Variants in KIAA0513 observed in about 807,000 individuals in gnomAD.
KIAA0513 encodes the protein KIAA0513, also known as uncharacterized protein KIAA0513.
A neutral mutation model predicts 56.5 loss-of-function variants in KIAA0513; 39 were observed. The observed-to-expected ratio is 0.69, with a 90% CI of 0.53 to 0.90. The LOEUF (loss-of-function observed/expected upper bound fraction) is 0.90, where lower values mean the gene tolerates loss of function less well. Among genes scored for constraint, KIAA0513 ranks in the 40% least tolerant of loss-of-function variants. The pLI, the probability that KIAA0513 is intolerant of heterozygous loss-of-function variation, is 0.00. For synonymous variants in KIAA0513, 268 were observed against 215.6 expected, an observed-to-expected ratio of 1.24 and a Z score of -2.13; for missense variants, 591 against 535.2, an observed-to-expected ratio of 1.10 and a Z score of -1.03.
intron 5 of KIAA0513, among the ~76,000 whole-genome samples, chr16:85,077,033 C>G (rs775378311): frequency 9.2e-5 from 14 of 152,136 alleles, no homozygotes; most frequent in Non-Finnish European, 1.8e-4. Context: ...GGCCCCCCCC[C>G]AACCCGGTGT....
At chr16:85,082,643 G>C (rs373604439) in intron 10 of KIAA0513, 50 bp downstream of exon 10, 1 of 1,582,742 alleles carries the variant, frequency 6.3e-7, no homozygotes, top group East Asian at 2.2e-5. Flanking sequence ...GGGCTCCTGC[G>C]AAGGCCACTG....
chr16:85,058,521 G>A (rs184992357), intron 1 of KIAA0513, among the ~76,000 whole-genome samples: 30 of 152,000 alleles, frequency 2.0e-4, no homozygotes, highest in Non-Finnish European at 2.9e-4. Context: ...GTGGGGTGGC[G>A]CATGCCTGTA....
intron 1 of KIAA0513, among the ~76,000 whole-genome samples, chr16:85,042,425 C>T (rs2073115754): frequency 6.6e-6 from 1 of 152,152 alleles, no homozygotes; most frequent in Non-Finnish European, 1.5e-5. Context: ...CCCAGATGAG[C>T]AAATAGGGGG....
At chr16:85,085,327 TG>T (rs2073796052) in intron 10 of KIAA0513, among the ~76,000 whole-genome samples, 1 of 152,246 alleles carries the variant, frequency 6.6e-6, no homozygotes, top group Non-Finnish European at 1.5e-5. Context: ...CTGTGACCCC[TG>T]CTAAGCTGCA....
intron 2 of KIAA0513, among the ~76,000 whole-genome samples, chr16:85,069,472 G>A (rs1270628472): frequency 6.6e-6 from 1 of 152,096 alleles, no homozygotes; most frequent in African/African-American, 2.4e-5. Flanking sequence ...TTGACAATTG[G>A]AGCAGCAGGA....
intron 10 of KIAA0513, among the ~76,000 whole-genome samples, chr16:85,085,061 G>A (rs1461866011): frequency 1.3e-5 from 2 of 152,238 alleles, no homozygotes; most frequent in South Asian, 2.1e-4. Flanking sequence ...CAAGGGAGAC[G>A]TTCCCGTGTG....
chr16:85,040,681 G>A (rs1263237014), intron 1 of KIAA0513, among the ~76,000 whole-genome samples: 1 of 152,126 alleles, frequency 6.6e-6, no homozygotes, highest in Non-Finnish European at 1.5e-5. Context: ...CTCTGTTCAG[G>A]TTAAACCCTC....
At chr16:85,038,761 A>G (rs2073068671) in intron 1 of KIAA0513, among the ~76,000 whole-genome samples, 1 of 151,696 alleles carries the variant, frequency 6.6e-6, no homozygotes, top group African/African-American at 2.4e-5. Context: ...ATTCTATTTA[A>G]CTCAATGTAT....
rs2073691039 is a variant in KIAA0513 at position 85,078,400 on chromosome 16, C to T, written c.783-15C>T. ...GTGAGTCGCGTGTGTCATCATTGTG[C>T]CTTCTCTCCCTCAGGGAAGACGAGA... On this transcript the variant is annotated splice_polypyrimidine_tract_variant and intron_variant, in intron 6 of 12. Coordinates refer to ENST00000683363, the MANE Select transcript of KIAA0513 (RefSeq NM_001388359.1). 1 of 1,613,906 alleles carries T rather than the reference C, an allele frequency of 6.2e-7. No individual in the cohort carries two copies. The highest frequency in any genetic ancestry group is 8.5e-7 in the Non-Finnish European group (1 of 1,179,926).
chr16:85,088,417 T>A lies in KIAA0513; in HGVS notation c.*92T>A. ...CCGTCACCCCACCCGATGACCTGCATGAAGCCAGCAGCACCCAGAGCCACT... is the reference window on the plus strand; with the variant it reads ...CCGTCACCCCACCCGATGACCTGCAAGAAGCCAGCAGCACCCAGAGCCACT... On this transcript the variant is annotated 3_prime_UTR_variant, in exon 13 of 13. Coordinates refer to ENST00000683363, the MANE Select transcript of KIAA0513 (RefSeq NM_001388359.1). 3 of 1,127,292 alleles carry A rather than the reference T, an allele frequency of 2.7e-6. No homozygotes were observed. The highest frequency in any genetic ancestry group is 2.5e-5 in the South Asian group (2 of 79,708). The allele number at this position is 1,127,292 out of a possible 1,614,324, so 69.8% of individuals were successfully genotyped here.
In KIAA0513 at chr16:85,091,813, A is replaced by G. The variant is rs1407742631; in HGVS notation, c.*3488A>G. On this transcript the variant is annotated 3_prime_UTR_variant, in exon 13 of 13. Coordinates refer to ENST00000683363, the MANE Select transcript of KIAA0513 (RefSeq NM_001388359.1). The stretch of plus-strand genomic sequence containing the variant: ...GCACTTGGTATTCCAGACCCCTGAC[A>G]TGAGGAATGCAGGTTCACACTGTAA... The G allele has an allele frequency of 6.6e-6, 1 of 152,182 alleles. No individual in the cohort carries two copies. Among genetic ancestry groups the G allele is most frequent in the Non-Finnish European group, 1.5e-5 (1 of 68,062 alleles). The allele number at this position is 152,182 out of a possible 1,614,324, so 9.4% of individuals were successfully genotyped here.
At chr16:85,051,796 G>A (rs1332381290) in intron 1 of KIAA0513, among the ~76,000 whole-genome samples, 1 of 151,604 alleles carries the variant, frequency 6.6e-6, no homozygotes, top group Non-Finnish European at 1.5e-5. Flanking sequence ...CAGGTTCTTG[G>A]TAGCTCTCGC....
intron 1 of KIAA0513, among the ~76,000 whole-genome samples, chr16:85,065,099 T>C (rs184414049): frequency 6.6e-6 from 1 of 152,266 alleles, no homozygotes; most frequent in African/African-American, 2.4e-5. Context: ...TAGCTTAATG[T>C]TCCTACTATA....
chr16:85,069,785 C>G (rs1044167007), intron 2 of KIAA0513, among the ~76,000 whole-genome samples: 7 of 152,088 alleles, frequency 4.6e-5, no homozygotes, highest in African/African-American at 1.7e-4. Flanking sequence ...AGAACGTGCC[C>G]TTTAACAAGA....
chr16:85,051,308 G>A (rs1050553568), intron 1 of KIAA0513, among the ~76,000 whole-genome samples: 8 of 152,064 alleles, frequency 5.3e-5, no homozygotes, highest in African/African-American at 2.4e-5. Context: ...AAATTTAGAT[G>A]TTTTCCTCTT....
chr16:85,063,889 G>A (rs905735980), intron 1 of KIAA0513, among the ~76,000 whole-genome samples: 11 of 152,008 alleles, frequency 7.2e-5, no homozygotes, highest in Admixed American at 4.6e-4. Flanking sequence ...TTGGCTGACC[G>A]AAGAATATTC....
At chr16:85,048,298 G>A (rs1055566113) in intron 1 of KIAA0513, among the ~76,000 whole-genome samples, 3 of 152,256 alleles carry the variant, frequency 2.0e-5, no homozygotes, top group Admixed American at 6.5e-5. Context: ...CCGTCAGCAC[G>A]CGAGCCTATC....
chr16:85,079,094 T>A (rs779430894), intron 8 of KIAA0513, 91 bp downstream of exon 8: 53 of 1,597,450 alleles, frequency 3.3e-5, no homozygotes, highest in Non-Finnish European at 4.5e-5. Flanking sequence ...TTTGTCCCCA[T>A]CAGAATGGCA....
intron 2 of KIAA0513, among the ~76,000 whole-genome samples, chr16:85,068,292 G>A (rs2073519504): frequency 6.6e-6 from 1 of 151,834 alleles, no homozygotes; most frequent in African/African-American, 2.4e-5. Context: ...AAGTAGCTGG[G>A]ATTACAGGTG....
Sources: gnomAD v4.1 joint callset for allele counts (sites outside exome capture counted in the v4.1 genomes callset) on GRCh38, gnomAD v4.1.1 for gene constraint, MANE v1.5 for transcripts, NCBI Gene and HGNC (gene_info 2026-07-23, HGNC 2026-07-21) for gene names.